The following PLA2G6 variants were observed in gnomAD, a reference collection of about 807,000 sequenced individuals.
PLA2G6 encodes the protein phospholipase A2 group VI, also known as 85/88 kDa calcium-independent phospholipase A2.
PLA2G6 carries 62 observed loss-of-function variants against 83.8 expected under a neutral mutation model. The ratio of observed to expected loss-of-function variants is 0.74; its 90% CI spans 0.60 to 0.91. PLA2G6 has a LOEUF of 0.91. PLA2G6 is among the 40% of genes least tolerant of loss of function. The pLI, the probability that PLA2G6 is intolerant of heterozygous loss-of-function variation, is 0.00. For missense variants in PLA2G6, 944 were observed against 1,102.0 expected, an observed-to-expected ratio of 0.86 and a Z score of 2.03; for synonymous variants, 417 against 449.8, an observed-to-expected ratio of 0.93 and a Z score of 0.92.
At chr22:38,168,668 G>A (rs772179253) in intron 2 of PLA2G6, among the ~76,000 whole-genome samples, 1 of 152,176 alleles carries the variant, frequency 6.6e-6, no homozygotes, top group African/African-American at 2.4e-5. Flanking sequence ...TGGCCAATAT[G>A]ATGAAACCCC....
At chr22:38,121,079 G>A (rs779348691) in intron 11 of PLA2G6, 170 bp from the exon 12 acceptor site, 228 of 648,754 alleles carry the variant, frequency 3.5e-4, no homozygotes, top group Non-Finnish European at 5.4e-4. Flanking sequence ...CAGACAGACA[G>A]AGAGAAACCT....
At chr22:38,160,143 C>T (rs748273901) in intron 2 of PLA2G6, among the ~76,000 whole-genome samples, 61 of 152,196 alleles carry the variant, frequency 4.0e-4, no homozygotes, top group Non-Finnish European at 7.2e-4. Flanking sequence ...AAGTGCTCAA[C>T]TTCATTTGCA....
chr22:38,151,861 C>T (rs952546424), intron 2 of PLA2G6, among the ~76,000 whole-genome samples: 6 of 152,134 alleles, frequency 3.9e-5, no homozygotes, highest in African/African-American at 7.2e-5. Flanking sequence ...AGACTTTGCC[C>T]CGCTTGTTGT....
chr22:38,114,853 G>C (rs1003342622), intron 14 of PLA2G6, among the ~76,000 whole-genome samples: 1 of 152,212 alleles, frequency 6.6e-6, no homozygotes, highest in Non-Finnish European at 1.5e-5. Flanking sequence ...GGCCCCATTA[G>C]GTAGCTGCAG....
At chr22:38,155,353 G>C (rs2089735408) in intron 2 of PLA2G6, among the ~76,000 whole-genome samples, 1 of 152,094 alleles carries the variant, frequency 6.6e-6, no homozygotes, top group African/African-American at 2.4e-5. Flanking sequence ...GAAATCACTT[G>C]AAAGTACAGA....
At chr22:38,163,047 G>C (rs1238585036) in intron 2 of PLA2G6, among the ~76,000 whole-genome samples, 1 of 152,136 alleles carries the variant, frequency 6.6e-6, no homozygotes, top group Non-Finnish European at 1.5e-5. Flanking sequence ...TAAGCCTCAG[G>C]GGACCTGCAA....
chr22:38,151,083 T>A (rs921664732), intron 2 of PLA2G6, among the ~76,000 whole-genome samples: 2 of 151,888 alleles, frequency 1.3e-5, no homozygotes, highest in African/African-American at 2.4e-5. Context: ...AATAAATAAA[T>A]GCCAATGAGA....
intron 2 of PLA2G6, among the ~76,000 whole-genome samples, chr22:38,153,949 T>C (rs11913405): frequency 0.019 from 2,881 of 152,222 alleles, 80 homozygotes; most frequent in African/African-American, 0.066. Context: ...ACGTTGGCAG[T>C]GGCCTGGCAG....
chr22:38,133,060 G>A, intron 6 of PLA2G6, 47 bp from the exon 7 acceptor site: 7 of 1,525,422 alleles, frequency 4.6e-6, no homozygotes, highest in Non-Finnish European at 5.3e-6. Context: ...TCGGGGAGCT[G>A]CCGCACCCCG....
intron 1 of PLA2G6, among the ~76,000 whole-genome samples, chr22:38,175,810 C>G (rs1011035628): frequency 6.6e-6 from 1 of 152,172 alleles, no homozygotes; most frequent in African/African-American, 2.4e-5. Flanking sequence ...GCTCACCCAA[C>G]CCGCTTTGAT....
intron 2 of PLA2G6, among the ~76,000 whole-genome samples, chr22:38,160,253 T>C (rs6001031): frequency 1.3e-5 from 2 of 151,984 alleles, no homozygotes; most frequent in South Asian, 4.1e-4. Context: ...ACAGAAGATA[T>C]GAAGTAACAG....
intron 9 of PLA2G6, among the ~76,000 whole-genome samples, chr22:38,127,836 G>A (rs1051023438): frequency 6.6e-6 from 1 of 152,174 alleles, no homozygotes; most frequent in Admixed American, 6.5e-5. Flanking sequence ...CAGGAAGGGG[G>A]CACACAGGTC....
chr22:38,128,156 C>T lies in PLA2G6; in HGVS notation c.1348+113G>A, dbSNP rs113154577. On this transcript the variant is annotated intron_variant, in intron 9 of 16. Transcript: ENST00000332509. This position sits in a 1 kb window ranked among gnomAD's most constrained non-coding sequence, Gnocchi z 4.4. Reference sequence around the variant, plus strand: ...CTGACAACTCCGGCCCCATCCTCCCCGGCTTCCTTTAGTGACTTCCGTCCT... The same window carrying T: ...CTGACAACTCCGGCCCCATCCTCCCTGGCTTCCTTTAGTGACTTCCGTCCT... The T allele has an allele frequency of 1.5e-5, 18 of 1,174,068 alleles. No individual in the cohort carries two copies. The highest frequency in any genetic ancestry group is 9.4e-5 in the East Asian group (4 of 42,584). 72.7% of individuals were successfully genotyped at this position (1,174,068 alleles called of 1,614,324 possible). A position where few individuals can be genotyped will look rare whatever the true frequency, so the allele number is the denominator to read the frequency against.
chr22:38,178,400 A>T (rs932313098), intron 1 of PLA2G6, among the ~76,000 whole-genome samples: 3 of 152,090 alleles, frequency 2.0e-5, no homozygotes, highest in Non-Finnish European at 4.4e-5. Context: ...GTGAGACCTC[A>T]CCTCTACAAA....
intron 2 of PLA2G6, among the ~76,000 whole-genome samples, chr22:38,150,904 C>T (rs1040079800): frequency 2.6e-5 from 4 of 152,150 alleles, no homozygotes; most frequent in Admixed American, 2.0e-4. Context: ...CTGGGCAACA[C>T]GGTGAAACCC....
chr22:38,135,723 G>A (rs1394265052), intron 5 of PLA2G6: 1 of 152,278 alleles, frequency 6.6e-6, no homozygotes, highest in Non-Finnish European at 1.5e-5. Flanking sequence ...AGGAATCTCG[G>A]TTCACAAGTT....
intron 10 of PLA2G6, among the ~76,000 whole-genome samples, chr22:38,125,229 CAT>C (rs1048461991): frequency 2.6e-5 from 4 of 152,118 alleles, no homozygotes; most frequent in African/African-American, 9.7e-5. Flanking sequence ...TGCATGTGTG[CAT>C]GTGTGTGCGT....
intron 2 of PLA2G6, among the ~76,000 whole-genome samples, chr22:38,154,842 T>A (rs180838372): frequency 1.3e-5 from 2 of 152,312 alleles, no homozygotes; most frequent in Admixed American, 1.3e-4. Flanking sequence ...AAAATAGCTG[T>A]TTTGAGGGAA....
At chr22:38,162,208 C>CA (rs1162906670) in intron 2 of PLA2G6, among the ~76,000 whole-genome samples, 29,055 of 73,850 alleles carry the variant, frequency 0.39, 4,366 homozygotes, top group South Asian at 0.48. Flanking sequence ...GACTCTGTGT[C>CA]AAAAAAAAAA....
Sources: allele counts gnomAD v4.1 joint callset (sites outside exome capture counted in the v4.1 genomes callset), GRCh38; gene constraint gnomAD v4.1.1; non-coding constraint Gnocchi (gnomAD v3.1); transcripts MANE v1.5; gene names NCBI Gene and HGNC (gene_info 2026-07-23, HGNC 2026-07-21).